Variants in CCM2L observed in about 807,000 individuals in gnomAD.
CCM2L encodes the protein CCM2 like scaffold protein, also known as cerebral cavernous malformations 2 protein-like.
A neutral mutation model predicts 54.1 loss-of-function variants in CCM2L; 36 were observed. That is an observed-to-expected ratio of 0.67 (90% CI 0.51 to 0.88). The LOEUF (loss-of-function observed/expected upper bound fraction) is 0.88. Ranked by LOEUF, CCM2L falls within the 40% of genes least tolerant of loss-of-function variation. CCM2L has a pLI of 0.00. For missense variants in CCM2L, 700 were observed against 812.1 expected (o/e 0.86, Z 1.68); for synonymous variants, 351 against 359.3 (o/e 0.98, Z 0.26).
At position 32,016,115 on chromosome 20, in the gene CCM2L, T is replaced by C. The variant is rs149930028; in HGVS notation, c.198+1044T>C. Among the ~76,000 whole-genome samples, 1,145 of 151,960 alleles carry C rather than the reference T, an allele frequency of 7.5e-3. 50 individuals carry two copies. Among genetic ancestry groups the C allele is most frequent in the Admixed American group, 0.067 (1,026 of 15,268 alleles). On this transcript the variant is annotated intron_variant, in intron 2 of 9. Coordinates refer to ENST00000452892, the MANE Select transcript of CCM2L (RefSeq NM_001365692.1). ...CTCAGGTGATCCGCCCACCTTGGCC[T>C]CCCAAAGTGCTGGGATTACAGGTGT...
chr20:32,029,403 A>T (rs2064897532), intron 8 of CCM2L, among the ~76,000 whole-genome samples: 1 of 152,204 alleles, frequency 6.6e-6, no homozygotes, highest in Non-Finnish European at 1.5e-5. Context: ...AGAAGAAAAT[A>T]CCATCATTAT....
chr20:32,025,541 ACAGGCGTGAGC>A (rs1600682468), intron 6 of CCM2L, among the ~76,000 whole-genome samples: 1 of 152,204 alleles, frequency 6.6e-6, no homozygotes, highest in African/African-American at 2.4e-5. Flanking sequence ...TGCTGGGATT[ACAGGCGTGAGC>A]CACAAATTTT....
At chr20:32,029,558 G>T in intron 8 of CCM2L, 142 bp from the exon 9 acceptor site, 1 of 1,071,142 alleles carries the variant, frequency 9.3e-7, no homozygotes, top group Non-Finnish European at 1.3e-6. Flanking sequence ...AAGGGATCTA[G>T]ATGTCCTCTG....
At chr20:32,019,447 C>T (rs1184032308) in intron 5 of CCM2L, 38 bp downstream of exon 5, 2 of 1,410,006 alleles carry the variant, frequency 1.4e-6, no homozygotes, top group East Asian at 2.9e-5. Context: ...AGCCCGGCTT[C>T]GGGAACGCTG....
At chr20:32,027,333 CA>C (rs1386351102) in intron 7 of CCM2L, among the ~76,000 whole-genome samples, 1 of 152,254 alleles carries the variant, frequency 6.6e-6, no homozygotes, top group Non-Finnish European at 1.5e-5. Flanking sequence ...AGTCTTTAAA[CA>C]ACCAGATATC....
chr20:32,015,282 C>CA (rs2064732330), intron 2 of CCM2L, among the ~76,000 whole-genome samples: 1 of 152,170 alleles, frequency 6.6e-6, no homozygotes, highest in African/African-American at 2.4e-5. Context: ...ACATGAGGCT[C>CA]AAAACCTACC....
intron 5 of CCM2L, among the ~76,000 whole-genome samples, chr20:32,020,511 A>G (rs111883123): frequency 6.6e-6 from 1 of 152,106 alleles, no homozygotes. Context: ...TTCAAACCCA[A>G]CACATCCAAA....
In CCM2L at chr20:32,018,922, C is replaced by A. The variant is rs1056635764; in HGVS notation, c.467-21C>A. The stretch of plus-strand genomic sequence containing the variant: ...TCTGAGTCCCGATCCCCGCGGCTGA[C>A]GGTCCCCCGGACTCTCCTAGGTCTG... On this transcript the variant is annotated intron_variant, in intron 4 of 9. Coordinates refer to ENST00000452892, the MANE Select transcript of CCM2L (RefSeq NM_001365692.1). 1.2e-5 allele frequency: 16 copies of A among 1,295,842 alleles called. No individual in the cohort carries two copies. The African/African-American group carries it at 2.2e-4, about 18-fold the overall frequency. The allele number at this position is 1,295,842 out of a possible 1,614,324, so 80.3% of individuals were successfully genotyped here.
At chr20:32,020,629 C>T (rs2064796280) in intron 5 of CCM2L, among the ~76,000 whole-genome samples, 1 of 152,176 alleles carries the variant, frequency 6.6e-6, no homozygotes, top group African/African-American at 2.4e-5. Context: ...TTGCTGTGGG[C>T]CTTGGCTGGC....
At chr20:32,026,475 T>A (rs1039375041) in intron 7 of CCM2L, among the ~76,000 whole-genome samples, 2 of 151,828 alleles carry the variant, frequency 1.3e-5, no homozygotes, top group Non-Finnish European at 2.9e-5. Flanking sequence ...CTTTAAAGAG[T>A]TTTGCCAGAT....
intron 5 of CCM2L, among the ~76,000 whole-genome samples, chr20:32,021,353 C>T (rs1311208897): frequency 6.6e-6 from 1 of 152,088 alleles, no homozygotes; most frequent in African/African-American, 2.4e-5. Context: ...CAGTGTCGGC[C>T]ACATAATAGG....
At chr20:32,023,084 A>G (rs1260926237) in intron 6 of CCM2L, among the ~76,000 whole-genome samples, 1 of 152,102 alleles carries the variant, frequency 6.6e-6, no homozygotes, top group Admixed American at 6.5e-5. Flanking sequence ...TCTCTGCCTC[A>G]GTCTCCCGAG....
chr20:32,022,071 A>C (rs528568052), intron 5 of CCM2L, among the ~76,000 whole-genome samples: 2 of 152,340 alleles, frequency 1.3e-5, no homozygotes, highest in East Asian at 3.9e-4. Context: ...AGGCATAAAG[A>C]GGTAAATTCA....
chr20:32,015,192 G>A, intron 2 of CCM2L, 121 bp downstream of exon 2: 1 of 1,047,296 alleles, frequency 9.5e-7, no homozygotes, highest in East Asian at 3.0e-5. Flanking sequence ...ATTGGAAAGA[G>A]GCCTGGGTTC....
Position 32,019,258 on chromosome 20 carries a change from G to A in CCM2L, c.782G>A (p.Gly261Glu). 8.3e-7 allele frequency: 1 copy of A among 1,211,682 alleles called. No homozygotes were observed. The highest frequency in any genetic ancestry group is 4.0e-5 in the South Asian group (1 of 24,940). 75.1% of individuals were successfully genotyped at this position (1,211,682 alleles called of 1,614,324 possible). The change falls in exon 5 of 10, where the codon GGA becomes GAA. Residue 261 changes from glycine to glutamate, a missense_variant. Transcript: ENST00000452892. ...HGGGGGGGGA[G>E]KPGGSWERRQ... is the part of the protein sequence containing the mutation. ...GGCGGCGGCGGCGGCGGCGGCGCGG[G>A]AAAGCCGGGCGGTAGCTGGGAGCGG... is the stretch of plus-strand genomic sequence containing the variant.
Position 32,014,927 on chromosome 20 carries a change from G to A in CCM2L, c.54G>A (p.Arg18=). 6.2e-7 allele frequency: 1 copy of A among 1,600,264 alleles called. No individual in the cohort carries two copies. Among genetic ancestry groups the A allele is most frequent in the Non-Finnish European group, 8.5e-7 (1 of 1,173,546 alleles). The change falls in exon 2 of 10, where the codon AGG becomes AGA. Residue 18 remains arginine (R), a synonymous_variant. Coordinates refer to ENST00000452892, the MANE Select transcript of CCM2L (RefSeq NM_001365692.1). ...GKKGFVSPIR[R]LVFPKAGRRA... ...AGGGCTTTGTATCCCCCATCCGAAG[G>A]CTGGTGTTCCCCAAGGCCGGGCGCC...
chr20:32,015,337 C>A (rs532702383), intron 2 of CCM2L, among the ~76,000 whole-genome samples: 7 of 152,052 alleles, frequency 4.6e-5, no homozygotes, highest in Non-Finnish European at 8.8e-5. Flanking sequence ...GTGGAAAAGT[C>A]CTATCTTTTG....
intron 8 of CCM2L, 54 bp from the exon 9 acceptor site, chr20:32,029,646 G>T: frequency 6.4e-7 from 1 of 1,552,898 alleles, no homozygotes; most frequent in Non-Finnish European, 8.7e-7. Flanking sequence ...TTTCAGGCAG[G>T]GGTTGGGTGG....
intron 8 of CCM2L, 43 bp downstream of exon 8, chr20:32,029,167 G>A (rs1466619163): frequency 1.9e-6 from 3 of 1,613,620 alleles, no homozygotes; most frequent in Admixed American, 1.7e-5. Flanking sequence ...GCAAAAGCCT[G>A]GAGGCTGGAG....
Sources: allele counts gnomAD v4.1 joint callset (sites outside exome capture counted in the v4.1 genomes callset), GRCh38; gene constraint gnomAD v4.1.1; transcripts MANE v1.5; gene names NCBI Gene and HGNC (gene_info 2026-07-23, HGNC 2026-07-21).